STT3A: variants seen among roughly 807,000 people sequenced by gnomAD.
STT3A encodes dolichyl-diphosphooligosaccharide--protein glycosyltransferase subunit STT3A.
STT3A carries 34 observed loss-of-function variants against 89.2 expected under a neutral mutation model. The observed-to-expected ratio is 0.38, with a 90% confidence interval of 0.29 to 0.51. The LOEUF (loss-of-function observed/expected upper bound fraction) is 0.51, where lower values mean the gene tolerates loss of function less well. Among genes scored for constraint, STT3A ranks in the 20% least tolerant of loss-of-function variants. STT3A has a pLI of 0.89. For missense variants in STT3A, 555 were observed against 889.5 expected, an observed-to-expected ratio of 0.62 and a Z score of 4.78; for synonymous variants, 282 against 310.3, an observed-to-expected ratio of 0.91 and a Z score of 0.96.
intron 15 of STT3A, among the ~76,000 whole-genome samples, chr11:125,616,784 C>G (rs143882773): frequency 6.6e-6 from 1 of 152,142 alleles, no homozygotes; most frequent in African/African-American, 2.4e-5. Flanking sequence ...CTCAAGTGAT[C>G]TTCCCACCTC....
intron 6 of STT3A, among the ~76,000 whole-genome samples, chr11:125,604,991 A>T (rs572304418): frequency 5.9e-5 from 9 of 152,196 alleles, no homozygotes; most frequent in African/African-American, 1.9e-4. Context: ...AGTCCCAGCT[A>T]CTCTGGAGAC....
intron 3 of STT3A, among the ~76,000 whole-genome samples, chr11:125,601,833 C>T (rs775036494): frequency 8.6e-5 from 13 of 151,732 alleles, no homozygotes; most frequent in Admixed American, 2.6e-4. Context: ...TGGAGTCTTG[C>T]TCTGTTGCCC....
At chr11:125,592,553 C>A (rs1371388291), upstream of STT3A, 2 of 449,002 alleles carry the variant, frequency 4.5e-6, no homozygotes, top group East Asian at 1.4e-4. Context: ...TGCGACTCCC[C>A]GTGGGTCCGC....
chr11:125,602,669 G>A, intron 4 of STT3A, 134 bp from the exon 5 acceptor site: 2 of 1,246,754 alleles, frequency 1.6e-6, no homozygotes, highest in Non-Finnish European at 2.2e-6. Context: ...TAGGCTTACT[G>A]CAGTTGCTAT....
intron 10 of STT3A, chr11:125,610,580 T>C (rs1415553926): frequency 1.3e-5 from 2 of 151,810 alleles, no homozygotes; most frequent in Admixed American, 1.3e-4. Context: ...GGCCTGGAAT[T>C]GTAGTTCACA....
intron 11 of STT3A, 135 bp from the exon 12 acceptor site, chr11:125,612,457 G>A (rs1940055794): frequency 1.0e-6 from 1 of 965,286 alleles, no homozygotes; most frequent in Non-Finnish European, 1.5e-6. Context: ...ACTGTTTCAA[G>A]TATTTTCTCT....
At chr11:125,594,382 C>A (rs1468954678) in intron 1 of STT3A, among the ~76,000 whole-genome samples, 1 of 152,022 alleles carries the variant, frequency 6.6e-6, no homozygotes, top group African/African-American at 2.4e-5. Context: ...GAGATCCAGA[C>A]CACCCTGGCC....
At position 125,614,024 on chromosome 11, in the gene STT3A, G is replaced by C; in HGVS notation, c.1555-63G>C. The C allele has an allele frequency of 6.8e-7, 1 of 1,467,518 alleles. No homozygotes were observed. Among genetic ancestry groups the C allele is most frequent in the Non-Finnish European group, 9.5e-7 (1 of 1,050,766 alleles). The allele number at this position is 1,467,518 out of a possible 1,614,324, so 90.9% of individuals were successfully genotyped here. On this transcript the variant is annotated intron_variant, in intron 13 of 17. Transcript: ENST00000392708. The surrounding 1 kb of genome is among the most constrained non-coding windows in gnomAD (Gnocchi z 4.9). The stretch of plus-strand genomic sequence containing the variant: ...CTGTCAGACCAAAGATGCCTTCTCT[G>C]TTGCATTTGATTTTTAGAGACAGTG...
At chr11:125,604,850 G>A (rs996888240) in intron 6 of STT3A, among the ~76,000 whole-genome samples, 9 of 152,202 alleles carry the variant, frequency 5.9e-5, no homozygotes, top group African/African-American at 1.7e-4. Flanking sequence ...GGTGGCTCAC[G>A]CCCTGTTATC....
intron 15 of STT3A, among the ~76,000 whole-genome samples, chr11:125,618,087 A>G (rs1346006626): frequency 2.0e-5 from 3 of 151,276 alleles, no homozygotes; most frequent in Middle Eastern, 3.2e-3. Context: ...AATTGCTGCT[A>G]TATTTGATAG....
At chr11:125,592,707 A>G, upstream of STT3A, 3 of 306,494 alleles carry the variant, frequency 9.8e-6, no homozygotes, top group Non-Finnish European at 2.0e-5. Flanking sequence ...AGCTGTAATG[A>G]CCAATTAAAA....
Position 125,621,048 on chromosome 11 carries a change from G to T in STT3A, c.*238G>T. 1 of 398,200 alleles carries T rather than the reference G, an allele frequency of 2.5e-6. No homozygotes were observed. Among genetic ancestry groups the T allele is most frequent in the Non-Finnish European group, 4.5e-6 (1 of 223,946 alleles). The allele number at this position is 398,200 out of a possible 1,614,324, so 24.7% of individuals were successfully genotyped here. On this transcript the variant is annotated 3_prime_UTR_variant, in exon 18 of 18. Transcript: ENST00000392708. Reference sequence around the variant, plus strand: ...CTTTACTTTGGTCAATTAAAGGGGGGAATTTTTTTAAAAAATGTGCCTTAT... The same window carrying T: ...CTTTACTTTGGTCAATTAAAGGGGGTAATTTTTTTAAAAAATGTGCCTTAT...
chr11:125,612,816 G>C, intron 12 of STT3A, 69 bp downstream of exon 12: 1 of 1,574,068 alleles, frequency 6.4e-7, no homozygotes, highest in South Asian at 1.2e-5. Flanking sequence ...TATGTGGGCA[G>C]CGGGGGGTGG....
rs1343419870 is a variant in STT3A, at chr11:125,614,266, A to G, written c.1672-58A>G. 1 of 1,612,656 alleles carries G rather than the reference A, an allele frequency of 6.2e-7. No homozygotes were observed. The highest frequency in any genetic ancestry group is 1.3e-5 in the African/African-American group (1 of 74,878). On this transcript the variant is annotated intron_variant, in intron 14 of 17. Transcript: ENST00000392708. The surrounding 1 kb of genome is among the most constrained non-coding windows in gnomAD (Gnocchi z 4.9). ...AAGGTCTAATGGGAAATGTGTCTGC[A>G]TGAGGGGATCATATGACTTGGGATT...
At chr11:125,599,148 C>G (rs905366670) in intron 3 of STT3A, among the ~76,000 whole-genome samples, 67 of 152,188 alleles carry the variant, frequency 4.4e-4, no homozygotes, top group Non-Finnish European at 2.8e-4. Flanking sequence ...GCCTCTCCTA[C>G]TGGTAGCTAA....
chr11:125,607,149 C>T (rs565370096), intron 8 of STT3A, among the ~76,000 whole-genome samples: 1 of 152,276 alleles, frequency 6.6e-6, no homozygotes, highest in South Asian at 2.1e-4. Context: ...CAATAAATTA[C>T]ATGAGATTCT....
rs1565354450 is a variant in STT3A at position 125,620,869 on chromosome 11, G to GTTTTTTTTTTTTTT, written c.*59_*60insTTTTTTTTTTTTTT. Reference sequence around the variant, plus strand: ...AGCACATCACATTTAGGACGTTGAAGATTTTTTTTTTTTTTTTTTTTTAAT... The same window carrying GTTTTTTTTTTTTTT: ...AGCACATCACATTTAGGACGTTGAAGTTTTTTTTTTTTTTATTTTTTTTTTTTTTTTTTTTTAAT... On this transcript the variant is annotated 3_prime_UTR_variant, in exon 18 of 18. Transcript: ENST00000392708. The GTTTTTTTTTTTTTT allele has an allele frequency of 3.6e-6, 3 of 835,534 alleles. No individual in the cohort carries two copies. Among genetic ancestry groups the GTTTTTTTTTTTTTT allele is most frequent in the African/African-American group, 2.0e-5 (1 of 48,898 alleles). The allele number at this position is 835,534 out of a possible 1,614,324, so 51.8% of individuals were successfully genotyped here. A position where few individuals can be genotyped will look rare whatever the true frequency, so the allele number is the denominator to read the frequency against.
chr11:125,620,780 C>T lies in STT3A; in HGVS notation c.2088C>T (p.Asp696=). 6.2e-7 allele frequency: 1 copy of T among 1,613,818 alleles called. No individual in the cohort carries two copies. The highest frequency in any genetic ancestry group is 8.5e-7 in the Non-Finnish European group (1 of 1,179,930). Residue 696 remains aspartate (D), a synonymous_variant, in exon 18 of 18, where the codon GAC becomes GAT. Coordinates refer to ENST00000392708, the MANE Select transcript of STT3A (RefSeq NM_152713.5). The part of the protein sequence containing the change: ...HWLVRIYKVK[D]LDNRGLSRT Reference sequence around the variant, plus strand: ...ACATCTTTATGTTGCAGGTAAAGGACCTGGATAATCGAGGCTTGTCAAGGA... The same window carrying T: ...ACATCTTTATGTTGCAGGTAAAGGATCTGGATAATCGAGGCTTGTCAAGGA...
chr11:125,608,412 T>G, intron 9 of STT3A, 123 bp downstream of exon 9: 2 of 998,616 alleles, frequency 2.0e-6, no homozygotes, highest in Non-Finnish European at 1.4e-6. Flanking sequence ...CCTCCCAGGT[T>G]CAAGCGATTC....
Sources: gnomAD v4.1 joint callset for allele counts (sites outside exome capture counted in the v4.1 genomes callset) on GRCh38, gnomAD v4.1.1 for gene constraint, Gnocchi (gnomAD v3.1) non-coding constraint, MANE v1.5 for transcripts, NCBI Gene and HGNC (gene_info 2026-07-23, HGNC 2026-07-21) for gene names.